Variants in SLC9D1 observed in about 807,000 individuals in gnomAD.
The protein encoded by SLC9D1 is solute carrier family 9 member D1, also known as putative LAG1-interacting protein.
chr13:113,505,118 A>G, the SLC9D1 span: 5 of 151,976 alleles, frequency 3.3e-5, no homozygotes, highest in Admixed American at 2.6e-4. Flanking sequence ...AGAATTGTCT[A>G]TTTATATCCT....
chr13:113,496,222 CAT>C, the SLC9D1 span, among the ~76,000 whole-genome samples: 3 of 152,228 alleles, frequency 2.0e-5, no homozygotes, highest in Admixed American at 6.5e-5. Flanking sequence ...AAAAATCTCT[CAT>C]GTGAGGGAGA....
At chr13:113,493,261 C>G in the SLC9D1 span, among the ~76,000 whole-genome samples, 2 of 152,206 alleles carry the variant, frequency 1.3e-5, no homozygotes, top group African/African-American at 4.8e-5. Context: ...AGGTGTCATT[C>G]ACACATGAGC....
At chr13:113,491,497 CCTCCCTCCCTGGGGCTCCCCTCCTCTCT>C in the SLC9D1 span, among the ~76,000 whole-genome samples, 2 of 151,224 alleles carry the variant, frequency 1.3e-5, no homozygotes, top group African/African-American at 2.4e-5. Context: ...TCCTTCCTTC[CCTCCCTCCCTGGGGCTCCCCTCCTCTCT>C]CTCCCTCCCT....
the SLC9D1 span, chr13:113,539,399 C>T: frequency 6.2e-7 from 1 of 1,613,502 alleles, no homozygotes; most frequent in African/African-American, 1.3e-5. This position sits in a 1 kb window ranked among gnomAD's most constrained non-coding sequence, Gnocchi z 4.8. Flanking sequence ...GGGCTGTTTC[C>T]TGGCTGGAGC....
At chr13:113,510,855 C>T in the SLC9D1 span, among the ~76,000 whole-genome samples, 2 of 152,188 alleles carry the variant, frequency 1.3e-5, no homozygotes, top group Non-Finnish European at 2.9e-5. Context: ...GAAGGTGTTC[C>T]CGACTCTTTG....
chr13:113,537,900 C>CAT, the SLC9D1 span, among the ~76,000 whole-genome samples: 1 of 151,962 alleles, frequency 6.6e-6, no homozygotes, highest in Non-Finnish European at 1.5e-5. Flanking sequence ...TGTGTGTGTG[C>CAT]GTGCATGTGC....
At chr13:113,536,940 C>G in the SLC9D1 span, among the ~76,000 whole-genome samples, 1 of 152,160 alleles carries the variant, frequency 6.6e-6, no homozygotes, top group Non-Finnish European at 1.5e-5. Context: ...GCCGTGAGCA[C>G]GCCGTGCCCC....
At chr13:113,498,286 C>A in the SLC9D1 span, 1 of 1,288,698 alleles carries the variant, frequency 7.8e-7, no homozygotes, top group South Asian at 1.7e-5. Flanking sequence ...TTAAGAAAGT[C>A]ATGTCCTAGC....
chr13:113,532,316 C>T, the SLC9D1 span, among the ~76,000 whole-genome samples: 1 of 152,206 alleles, frequency 6.6e-6, no homozygotes, highest in Non-Finnish European at 1.5e-5. Flanking sequence ...GACGCACAGG[C>T]TCTACCTTTG....
the SLC9D1 span, among the ~76,000 whole-genome samples, chr13:113,517,428 C>T: frequency 6.6e-6 from 1 of 152,094 alleles, no homozygotes; most frequent in African/African-American, 2.4e-5. Flanking sequence ...CGGGGTTTCA[C>T]CGTGTTAGCC....
chr13:113,506,422 G>C, the SLC9D1 span, among the ~76,000 whole-genome samples: 1 of 145,642 alleles, frequency 6.9e-6, no homozygotes. Flanking sequence ...CCGCGTGGCT[G>C]CCTGGCCTGT....
the SLC9D1 span, chr13:113,505,982 T>C: frequency 1.3e-5 from 2 of 155,238 alleles, no homozygotes; most frequent in African/African-American, 4.8e-5. Flanking sequence ...CTTTAGGGTG[T>C]TCTCCAGGTA....
At chr13:113,508,664 G>A in the SLC9D1 span, among the ~76,000 whole-genome samples, 1 of 152,168 alleles carries the variant, frequency 6.6e-6, no homozygotes, top group South Asian at 2.1e-4. Flanking sequence ...ACATCTCAGT[G>A]TTCAGATGAA....
chr13:113,528,225 G>C, the SLC9D1 span: 2 of 152,106 alleles, frequency 1.3e-5, no homozygotes, highest in Admixed American at 1.3e-4. Context: ...GTTGTATCCT[G>C]GGTGGTTCGT....
chr13:113,510,109 A>T, the SLC9D1 span: 1 of 789,360 alleles, frequency 1.3e-6, no homozygotes, highest in Non-Finnish European at 2.1e-6. Context: ...TCAGATGGTG[A>T]CCCCAGCGTT....
chr13:113,546,201 GC>G, the SLC9D1 span, among the ~76,000 whole-genome samples: 1 of 152,154 alleles, frequency 6.6e-6, no homozygotes, highest in African/African-American at 2.4e-5. The surrounding 1 kb of genome is among the most constrained non-coding windows in gnomAD (Gnocchi z 7.1). Flanking sequence ...GCCAAAGGCA[GC>G]CTGGACCGGG....
chr13:113,502,572 G>A, the SLC9D1 span, among the ~76,000 whole-genome samples: 1 of 152,168 alleles, frequency 6.6e-6, no homozygotes, highest in Non-Finnish European at 1.5e-5. Context: ...AGCCCCAGTC[G>A]AGGCAGTGGG....
chr13:113,547,429 G>A, the SLC9D1 span: 5 of 1,421,966 alleles, frequency 3.5e-6, no homozygotes. Flanking sequence ...GCTCAGCATA[G>A]CCCTCCCTGT....
At chr13:113,528,374 G>GACCCTCA in the SLC9D1 span, 2 of 152,280 alleles carry the variant, frequency 1.3e-5, no homozygotes, top group Non-Finnish European at 2.9e-5. Flanking sequence ...ATGGCAGGCG[G>GACCCTCA]TGGGGTGGAA....
Sources: allele counts gnomAD v4.1 joint callset (sites outside exome capture counted in the v4.1 genomes callset), GRCh38; gene constraint gnomAD v4.1.1; non-coding constraint Gnocchi (gnomAD v3.1); transcripts MANE v1.5; gene names NCBI Gene and HGNC (gene_info 2026-07-23, HGNC 2026-07-21).